TUBE1: variants seen among roughly 807,000 people sequenced by gnomAD.
TUBE1 encodes the protein tubulin epsilon chain.
A neutral mutation model predicts 53.5 loss-of-function variants in TUBE1; 34 were observed. That is an observed-to-expected ratio of 0.64 (90% CI 0.48 to 0.85). The LOEUF (loss-of-function observed/expected upper bound fraction) is 0.85, where lower values mean the gene tolerates loss of function less well. Ranked by LOEUF, TUBE1 falls within the 40% of genes least tolerant of loss-of-function variation. The pLI is 0.00. For missense variants in TUBE1, 532 were observed against 570.5 expected (o/e 0.93, Z 0.69); for synonymous variants, 177 against 198.4 (o/e 0.89, Z 0.91).
At chr6:112,075,053 ATTTT>A (rs200995009) in intron 8 of TUBE1, 1 of 221,924 alleles carries the variant, frequency 4.5e-6, no homozygotes, top group African/African-American at 2.7e-5. Context: ...CAACATCTAC[ATTTT>A]TTTTTTCTTT....
At chr6:112,078,986 C>A (rs1481714379) in intron 6 of TUBE1, among the ~76,000 whole-genome samples, 2 of 151,974 alleles carry the variant, frequency 1.3e-5, no homozygotes, top group Non-Finnish European at 2.9e-5. Context: ...TAAAAATCAG[C>A]AAGTTACATT....
At chr6:112,083,650 A>T (rs2114491714) in intron 4 of TUBE1, among the ~76,000 whole-genome samples, 1 of 152,288 alleles carries the variant, frequency 6.6e-6, no homozygotes, top group African/African-American at 2.4e-5. Flanking sequence ...CTTTTCTATT[A>T]TAGTCAAAGA....
At chr6:112,079,567 C>G in intron 6 of TUBE1, 66 bp downstream of exon 6, 1 of 1,553,336 alleles carries the variant, frequency 6.4e-7, no homozygotes, top group Non-Finnish European at 8.8e-7. Flanking sequence ...ACAAGACTTA[C>G]GTTTGCAAAA....
chr6:112,073,326 T>C (rs1332366858), intron 9 of TUBE1, among the ~76,000 whole-genome samples: 2 of 152,202 alleles, frequency 1.3e-5, no homozygotes, highest in Non-Finnish European at 2.9e-5. Flanking sequence ...AAGTATATTA[T>C]ATCATAAATT....
chr6:112,079,831 G>T (rs1777041757), intron 5 of TUBE1, 77 bp from the exon 6 acceptor site: 1 of 1,397,114 alleles, frequency 7.2e-7, no homozygotes, highest in Non-Finnish European at 9.7e-7. Context: ...TAAATAAAAG[G>T]ATTTTAAACA....
chr6:112,078,518 C>T (rs1777011826), intron 6 of TUBE1: 1 of 151,782 alleles, frequency 6.6e-6, no homozygotes, highest in African/African-American at 2.4e-5. Context: ...TCTGAAAGAA[C>T]AGACATAAAA....
At position 112,071,489 on chromosome 6, in the gene TUBE1, T is replaced by A. The variant is rs782014103; in HGVS notation, c.1351A>T (p.Ile451Leu). The A allele has an allele frequency of 1.2e-6, 2 of 1,612,928 alleles. No homozygotes were observed. The highest frequency in any genetic ancestry group is 1.7e-5 in the Admixed American group (1 of 59,996). ...TEAVSSLSALIQEYDQLDATK... is the reference protein window; with the variant it reads ...TEAVSSLSALLQEYDQLDATK... The stretch of plus-strand genomic sequence containing the variant: ...GCGTCCAGTTGGTCATATTCCTGTA[T>A]GAGTGCTGATAAAGATGACACAGCT... The change falls in exon 12 of 12, where the codon ATA (isoleucine) becomes TTA (leucine). Residue 451 changes from isoleucine to leucine, a missense_variant. By Grantham distance (5) the Ile-to-Leu change is conservative. Coordinates refer to ENST00000368662, the MANE Select transcript of TUBE1 (RefSeq NM_016262.5).
intron 8 of TUBE1, chr6:112,075,339 C>T (rs1776947353): frequency 2.0e-5 from 3 of 152,238 alleles, no homozygotes; most frequent in Non-Finnish European, 2.9e-5. Flanking sequence ...AGGCATGAGC[C>T]ACCATGGCTG....
intron 6 of TUBE1, chr6:112,079,406 T>G: frequency 2.7e-6 from 1 of 366,796 alleles, no homozygotes. Flanking sequence ...TGTTGACTCT[T>G]AAGAGGGCTT....
In TUBE1 at chr6:112,086,462, G is replaced by A. The variant is rs1029361360; in HGVS notation, c.152+94C>T. ...TAATGAAACAAAAAAACACAACTTC[G>A]CAGCTGGCTATTTTTATTGTCCTTT... is the stretch of plus-strand genomic sequence containing the variant. On this transcript the variant is annotated intron_variant, in intron 3 of 11. Transcript: ENST00000368662. 9.9e-6 allele frequency: 8 copies of A among 810,448 alleles called. No individual in the cohort carries two copies. In the Admixed American group the frequency reaches 1.4e-4, roughly 14 times the overall value. The allele number at this position is 810,448 out of a possible 1,614,324, so 50.2% of individuals were successfully genotyped here. A position where few individuals can be genotyped will look rare whatever the true frequency, so the allele number is the denominator to read the frequency against.
At chr6:112,075,915 G>A (rs1421991069) in intron 8 of TUBE1, 22 bp downstream of exon 8, 62 of 1,541,090 alleles carry the variant, frequency 4.0e-5, no homozygotes, top group Non-Finnish European at 5.3e-5. Context: ...AAAGTTTTTT[G>A]ACTATCCCTG....
chr6:112,072,730 A>G, intron 10 of TUBE1, 28 bp downstream of exon 10: 2 of 1,609,048 alleles, frequency 1.2e-6, no homozygotes. Flanking sequence ...CAGCACACAC[A>G]AATTATCTTT....
At chr6:112,072,949 GTATAAC>G in intron 9 of TUBE1, 51 bp from the exon 10 acceptor site, 1 of 1,577,768 alleles carries the variant, frequency 6.3e-7, no homozygotes, top group Non-Finnish European at 8.7e-7. Flanking sequence ...TTCTTTCTAT[GTATAAC>G]TATAAAATGA....
chr6:112,086,199 C>G (rs1777153483), intron 3 of TUBE1, among the ~76,000 whole-genome samples: 2 of 151,844 alleles, frequency 1.3e-5, no homozygotes, highest in East Asian at 3.8e-4. Context: ...CTGCTTGTCA[C>G]CTTTTTAAGT....
chr6:112,076,970 G>A (rs1259785989), intron 6 of TUBE1: 1 of 152,268 alleles, frequency 6.6e-6, no homozygotes, highest in African/African-American at 2.4e-5. Context: ...AGGAAATGAA[G>A]TCCTGAATTC....
At chr6:112,073,210 G>T (rs3798363) in intron 9 of TUBE1, among the ~76,000 whole-genome samples, 34,409 of 151,782 alleles carry the variant, frequency 0.23, 4,118 homozygotes, top group East Asian at 0.32. Flanking sequence ...ACTGATTTTT[G>T]AAACTTGTAT....
At chr6:112,077,698 G>C (rs1460608656) in intron 6 of TUBE1, 2 of 151,916 alleles carry the variant, frequency 1.3e-5, no homozygotes, top group Non-Finnish European at 2.9e-5. Context: ...GGAGATTCTT[G>C]GGGTGATCTT....
At position 112,079,243 on chromosome 6, in the gene TUBE1, G is replaced by C. The variant is rs142385003; in HGVS notation, c.448+390C>G. On this transcript the variant is annotated intron_variant, in intron 6 of 11. Coordinates refer to ENST00000368662, the MANE Select transcript of TUBE1 (RefSeq NM_016262.5). ...TTTGGCAAGCACACATCATGAGCAC[G>C]TCAAAAATGCTTCACTCTAGGAAAT... is the stretch of plus-strand genomic sequence containing the variant. Among the ~76,000 whole-genome samples the C allele has an allele frequency of 1.6e-3, 249 of 151,582 alleles. 4 individuals are homozygous for C. The East Asian group carries it at 0.041, about 25-fold the overall frequency.
chr6:112,073,910 G>C (rs587692805), intron 9 of TUBE1, among the ~76,000 whole-genome samples: 27 of 152,186 alleles, frequency 1.8e-4, no homozygotes, highest in Admixed American at 3.9e-4. Context: ...AGAGTAGCTG[G>C]GACTACAAGT....
Sources: allele counts gnomAD v4.1 joint callset (sites outside exome capture counted in the v4.1 genomes callset), GRCh38; gene constraint gnomAD v4.1.1; transcripts MANE v1.5; gene names NCBI Gene and HGNC (gene_info 2026-07-23, HGNC 2026-07-21).